RMDN1: variants seen among roughly 807,000 people sequenced by gnomAD.
The protein encoded by RMDN1 is regulator of microtubule dynamics 1, also known as regulator of microtubule dynamics protein 1.
In RMDN1, 48 loss-of-function variants were observed where a neutral mutation model predicts 48.9. The ratio of observed to expected loss-of-function variants is 0.98; its 90% confidence interval spans 0.78 to 1.25. The LOEUF is 1.25. RMDN1 is among the 50% of genes most tolerant of loss of function. RMDN1 has a pLI of 0.00. For missense variants in RMDN1, 418 were observed against 373.4 expected, an observed-to-expected ratio of 1.12 and a Z score of -0.98; for synonymous variants, 148 against 132.6, an observed-to-expected ratio of 1.12 and a Z score of -0.80.
chr8:86,511,918 C>T (rs1479116691), upstream of RMDN1, among the ~76,000 whole-genome samples: 2 of 151,428 alleles, frequency 1.3e-5, no homozygotes, highest in African/African-American at 4.9e-5. Flanking sequence ...GATCAAAATA[C>T]ATAGGAGAAA....
chr8:86,504,161 T>C, intron 2 of RMDN1: 1 of 1,420,852 alleles, frequency 7.0e-7, no homozygotes, highest in Non-Finnish European at 9.9e-7. Context: ...TTTACCATCC[T>C]TCCTGCTATC....
chr8:86,502,557 T>C (rs905160615), intron 2 of RMDN1, among the ~76,000 whole-genome samples: 10 of 152,214 alleles, frequency 6.6e-5, no homozygotes, highest in Non-Finnish European at 1.0e-4. Context: ...AGTTTTAATA[T>C]ACGTTTACTT....
chr8:86,481,946 C>CT lies in RMDN1; in HGVS notation c.586-1615dup, dbSNP rs929872130. The CT allele has an allele frequency of 2.0e-5, 17 of 834,060 alleles. No homozygotes were observed. In the African/African-American group the frequency reaches 2.6e-4, roughly 13 times the overall value. 51.7% of individuals were successfully genotyped at this position (834,060 alleles called of 1,614,324 possible). A position where few individuals can be genotyped will look rare whatever the true frequency, so the allele number is the denominator to read the frequency against. On this transcript the variant is annotated intron_variant, in intron 5 of 9. Coordinates refer to ENST00000406452, the MANE Select transcript of RMDN1 (RefSeq NM_016033.3). ...AAGTGGAAAGATTCTCTAGTATTTG[C>CT]TTGTCATCTTGCTGCAAGCAGAAAT...
chr8:86,479,453 C>T (rs1324780675), intron 6 of RMDN1, among the ~76,000 whole-genome samples: 1 of 152,114 alleles, frequency 6.6e-6, no homozygotes, highest in Admixed American at 6.5e-5. Context: ...ATTTTTAAAG[C>T]AGCAAAGCAA....
chr8:86,477,326 T>C lies in RMDN1; in HGVS notation c.730-2A>G. 1.3e-6 allele frequency: 2 copies of C among 1,586,562 alleles called. No homozygotes were observed. Among genetic ancestry groups the C allele is most frequent in the Non-Finnish European group, 1.7e-6 (2 of 1,169,096 alleles). On this transcript the variant is annotated splice_acceptor_variant, in intron 7 of 9. Coordinates refer to ENST00000406452, the MANE Select transcript of RMDN1 (RefSeq NM_016033.3). LOFTEE classifies it high-confidence loss of function. The stretch of plus-strand genomic sequence containing the variant: ...TGCCCTGTGAAAGTAGCCTAAGGCC[T>C]GTCAAAAACACAAAGAGCCCAAACA...
intron 2 of RMDN1, among the ~76,000 whole-genome samples, chr8:86,500,175 G>A (rs1237321948): frequency 1.3e-5 from 2 of 151,986 alleles, no homozygotes; most frequent in African/African-American, 2.4e-5. Context: ...AACAAAAATA[G>A]GTAAATGGGA....
chr8:86,482,800 C>A, intron 5 of RMDN1: 1 of 963,872 alleles, frequency 1.0e-6, no homozygotes, highest in South Asian at 1.3e-5. Flanking sequence ...ATTATCAGAA[C>A]CCAAAATGGA....
chr8:86,507,018 G>A lies in RMDN1; in HGVS notation c.224C>T (p.Ala75Val). ...FETYQVISQA[A>V]VVHATAKVEE... ...ACCTTTGGCTGTGGCATGAACCACA[G>A]CAGCCTGAGAGATAACCTGGTAAGT... The change falls in exon 2 of 10, where the codon GCT becomes GTT. Residue 75 changes from alanine (A) to valine (V), a missense_variant. By Grantham distance (64) the Ala-to-Val change is moderately conservative. Transcript: ENST00000406452. The A allele has an allele frequency of 1.2e-6, 2 of 1,608,218 alleles. No homozygotes were observed. The highest frequency in any genetic ancestry group is 1.7e-6 in the Non-Finnish European group (2 of 1,174,598).
chr8:86,502,201 T>G (rs1818357680), intron 2 of RMDN1, among the ~76,000 whole-genome samples: 2 of 152,194 alleles, frequency 1.3e-5, no homozygotes, highest in Non-Finnish European at 2.9e-5. Flanking sequence ...TACAGAAATT[T>G]TGGCTCACAA....
In RMDN1 at chr8:86,507,080, G is replaced by A; in HGVS notation, c.162C>T (p.Gly54=). 1 of 1,611,732 alleles carries A rather than the reference G, an allele frequency of 6.2e-7. No individual in the cohort carries two copies. The highest frequency in any genetic ancestry group is 8.5e-7 in the Non-Finnish European group (1 of 1,177,928). Reference sequence around the variant, plus strand: ...AATACGACAAAGCTGAGAGTAAAAGGCCTCTTTTGAAAGTTCCTGGGTTTC... The same window carrying A: ...AATACGACAAAGCTGAGAGTAAAAGACCTCTTTTGAAAGTTCCTGGGTTTC... ...VMGNPGTFKR[G]LLLSALSYLG... The change falls in exon 2 of 10, where the codon GGC becomes GGT. Residue 54 remains glycine, a synonymous_variant. Coordinates refer to ENST00000406452, the MANE Select transcript of RMDN1 (RefSeq NM_016033.3).
At chr8:86,502,054 T>C (rs1430591350) in intron 2 of RMDN1, among the ~76,000 whole-genome samples, 1 of 152,168 alleles carries the variant, frequency 6.6e-6, no homozygotes, top group Non-Finnish European at 1.5e-5. Context: ...CTATCAGAAG[T>C]TGAATAAGAC....
chr8:86,498,713 G>A (rs796419335), intron 2 of RMDN1, among the ~76,000 whole-genome samples: 11 of 152,252 alleles, frequency 7.2e-5, no homozygotes, highest in Non-Finnish European at 1.0e-4. Flanking sequence ...CCTGGGAGGC[G>A]GAGGTTGCAG....
chr8:86,496,076 T>C (rs934339194), intron 2 of RMDN1, among the ~76,000 whole-genome samples: 8 of 151,968 alleles, frequency 5.3e-5, no homozygotes, highest in Admixed American at 2.6e-4. Flanking sequence ...AAAAGAGAAA[T>C]AGAATCCTTT....
intron 2 of RMDN1, among the ~76,000 whole-genome samples, chr8:86,489,560 G>A (rs981306306): frequency 4.6e-5 from 7 of 152,028 alleles, no homozygotes; most frequent in South Asian, 4.1e-4. Context: ...GGCTGGGTGC[G>A]GTGGCTCACA....
chr8:86,504,720 G>T, intron 2 of RMDN1: 5 of 945,164 alleles, frequency 5.3e-6, no homozygotes, highest in Non-Finnish European at 5.3e-6. Context: ...AATTGGACCA[G>T]GTCCCATTTC....
chr8:86,503,276 T>C (rs932290645), intron 2 of RMDN1, among the ~76,000 whole-genome samples: 1 of 150,256 alleles, frequency 6.7e-6, no homozygotes, highest in African/African-American at 2.4e-5. Context: ...GGCTAGAACC[T>C]GGAAGGCAGA....
intron 2 of RMDN1, among the ~76,000 whole-genome samples, chr8:86,500,544 A>G (rs747943308): frequency 6.0e-5 from 9 of 150,976 alleles, no homozygotes; most frequent in Non-Finnish European, 1.2e-4. Context: ...AAAAAAAAAG[A>G]TGCTGGTGAG....
At position 86,485,102 on chromosome 8, in the gene RMDN1, A is replaced by G. The variant is rs1162240097; in HGVS notation, c.496-141T>C. On this transcript the variant is annotated intron_variant, in intron 4 of 9. Coordinates refer to ENST00000406452, the MANE Select transcript of RMDN1 (RefSeq NM_016033.3). ...ATAAAAACTGTATTAAATGTAATGG[A>G]ATATATAAAGAGAAGTGGACATGGC... 11 of 531,696 alleles carry G rather than the reference A, an allele frequency of 2.1e-5. No individual in the cohort carries two copies. The Admixed American group carries it at 3.9e-4, about 19-fold the overall frequency. The allele number at this position is 531,696 out of a possible 1,614,324, so 32.9% of individuals were successfully genotyped here. A position where few individuals can be genotyped will look rare whatever the true frequency, so the allele number is the denominator to read the frequency against.
intron 2 of RMDN1, among the ~76,000 whole-genome samples, chr8:86,495,884 A>G (rs1320029939): frequency 6.6e-6 from 1 of 151,836 alleles, no homozygotes; most frequent in African/African-American, 2.4e-5. Flanking sequence ...TGAAAGAAAA[A>G]CTCTTAAAGA....
Sources: gnomAD v4.1 joint callset for allele counts (sites outside exome capture counted in the v4.1 genomes callset) on GRCh38, gnomAD v4.1.1 for gene constraint, MANE v1.5 for transcripts, NCBI Gene and HGNC (gene_info 2026-07-23, HGNC 2026-07-21) for gene names.